Variants in LRP1 observed in about 807,000 individuals in gnomAD.
The protein encoded by LRP1 is prolow-density lipoprotein receptor-related protein 1.
LRP1 carries 51 observed loss-of-function variants against 541.5 expected under a neutral mutation model. The observed-to-expected ratio is 0.09, with a 90% CI of 0.08 to 0.12. The LOEUF is 0.12. Ranked by LOEUF, LRP1 falls within the 10% of genes least tolerant of loss-of-function variation. The pLI is 1.00. For synonymous variants in LRP1, 2,219 were observed against 2,470.8 expected, an observed-to-expected ratio of 0.90 and a Z score of 3.02; for missense variants, 3,878 against 6,376.2, an observed-to-expected ratio of 0.61 and a Z score of 13.34.
chr12:57,192,413 C>T (rs1030251572), intron 44 of LRP1, among the ~76,000 whole-genome samples: 2 of 152,164 alleles, frequency 1.3e-5, no homozygotes, highest in Non-Finnish European at 2.9e-5. Context: ...TCACTCTCCT[C>T]ACTTGGAGCC....
intron 23 of LRP1, 57 bp from the exon 24 acceptor site, chr12:57,175,852 G>A (rs1008599207): frequency 6.3e-6 from 10 of 1,596,092 alleles, no homozygotes; most frequent in African/African-American, 1.3e-5. Flanking sequence ...GCGCCAGGAC[G>A]GGTGGCACAC....
chr12:57,202,646 G>A (rs1413991573), intron 68 of LRP1, 109 bp downstream of exon 68: 7 of 836,370 alleles, frequency 8.4e-6, no homozygotes, highest in African/African-American at 1.7e-5. Context: ...CTCCCAGGGT[G>A]GGGGCAGGAG....
chr12:57,171,892 C>A (rs768838770), intron 20 of LRP1, among the ~76,000 whole-genome samples: 13 of 152,088 alleles, frequency 8.5e-5, no homozygotes, highest in Non-Finnish European at 1.8e-4. Flanking sequence ...CAACATAAGT[C>A]AGATCATGCC....
In LRP1 at chr12:57,185,499, GGCCCT is replaced by G; in HGVS notation, c.6464-26_6464-22del. On this transcript the variant is annotated intron_variant, in intron 40 of 88. Transcript: ENST00000243077. This position sits in a 1 kb window ranked among gnomAD's most constrained non-coding sequence, Gnocchi z 4.9. ...GCACCAGTGAGCCTTTCCCAAGGCAGGCCCTGCCCTCTGTACCCTCCCCTCCCCCA... is the reference window on the plus strand; with the variant it reads ...GCACCAGTGAGCCTTTCCCAAGGCAGGCCCTCTGTACCCTCCCCTCCCCCA... The G allele has an allele frequency of 1.3e-6, 2 of 1,540,980 alleles. No individual in the cohort carries two copies. The highest frequency in any genetic ancestry group is 1.7e-6 in the Non-Finnish European group (2 of 1,145,356).
intron 20 of LRP1, among the ~76,000 whole-genome samples, chr12:57,170,237 C>T (rs1333342566): frequency 3.3e-5 from 5 of 152,238 alleles, no homozygotes; most frequent in Non-Finnish European, 1.5e-5. Flanking sequence ...AGGATACACC[C>T]TTATGACCTC....
chr12:57,167,189 G>T, intron 18 of LRP1, 143 bp downstream of exon 18: 1 of 708,680 alleles, frequency 1.4e-6, no homozygotes, highest in South Asian at 1.7e-5. Flanking sequence ...TCTGTGAGAG[G>T]AGAGCCCCAT....
Position 57,211,952 on chromosome 12 carries a change from G to T in LRP1, c.13284G>T (p.Leu4428=). The T allele has an allele frequency of 6.2e-7, 1 of 1,614,128 alleles. No homozygotes were observed. Among genetic ancestry groups the T allele is most frequent in the Non-Finnish European group, 8.5e-7 (1 of 1,180,024 alleles). The part of the protein sequence containing the change: ...PGHIASILIP[L]LLLLLLVLVA... ...ATATAGCCTCCATCCTAATCCCTCTGCTGTTGCTGCTGCTGCTGGTTCTGG... is the reference window on the plus strand; with the variant it reads ...ATATAGCCTCCATCCTAATCCCTCTTCTGTTGCTGCTGCTGCTGGTTCTGG... Residue 4428 remains leucine (L), a synonymous_variant, in exon 87 of 89, where the codon CTG becomes CTT. Transcript: ENST00000243077. This position sits in a 1 kb window ranked among gnomAD's most constrained non-coding sequence, Gnocchi z 4.3.
At chr12:57,144,775 G>A (rs1238319542) in intron 4 of LRP1, 197 bp from the exon 5 acceptor site, 2 of 612,246 alleles carry the variant, frequency 3.3e-6, no homozygotes, top group African/African-American at 1.8e-5. Flanking sequence ...ATATGTACAC[G>A]AGTGTTTCTC....
At chr12:57,155,128 G>A (rs1384416732) in intron 8 of LRP1, 1 of 370,826 alleles carries the variant, frequency 2.7e-6, no homozygotes, top group East Asian at 5.5e-5. Context: ...GGGATAATTA[G>A]TGTGAGCAAC....
At position 57,195,288 on chromosome 12, in the gene LRP1, C is replaced by T. The variant is rs2036506940; in HGVS notation, c.8326C>T (p.Pro2776Ser). ...AAHCEGKTCG[P>S]SSFSCPGTHV... ...CCCTACAGAAGGCAAGACGTGCGGCCCCTCCTCCTTCTCCTGCCCTGGCAC... is the reference window on the plus strand; with the variant it reads ...CCCTACAGAAGGCAAGACGTGCGGCTCCTCCTCCTTCTCCTGCCCTGGCAC... The change falls in exon 52 of 89, where the codon CCC becomes TCC. Residue 2776 changes from proline to serine, a missense_variant. By Grantham distance (74) the Pro-to-Ser change is moderately conservative. Around this residue, in one of 13 missense-constraint regions of LRP1, gnomAD observed 1,100 missense variants for 1,827.4 expected, o/e 0.60. Coordinates refer to ENST00000243077, the MANE Select transcript of LRP1 (RefSeq NM_002332.3). The T allele has an allele frequency of 6.2e-7, 1 of 1,613,980 alleles. No homozygotes were observed. Among genetic ancestry groups the T allele is most frequent in the Non-Finnish European group, 8.5e-7 (1 of 1,180,018 alleles).
chr12:57,175,560 C>A lies in LRP1; in HGVS notation c.3648C>A (p.Pro1216=). Residue 1216 remains proline, a synonymous_variant, in exon 23 of 89, where the codon CCC becomes CCA. Coordinates refer to ENST00000243077, the MANE Select transcript of LRP1 (RefSeq NM_002332.3). ...CSCPLGMELG[P]DNHTCQIQSY... ...GCCCTCTGGGCATGGAGCTGGGGCCCGACAACCACACCTGCCAGATCCAGA... is the reference window on the plus strand; with the variant it reads ...GCCCTCTGGGCATGGAGCTGGGGCCAGACAACCACACCTGCCAGATCCAGA... 1 of 1,614,170 alleles carries A rather than the reference C, an allele frequency of 6.2e-7. No homozygotes were observed.
In LRP1 at chr12:57,173,653, G is replaced by A; in HGVS notation, c.3347-127G>A. On this transcript the variant is annotated intron_variant, in intron 21 of 88. Coordinates refer to ENST00000243077, the MANE Select transcript of LRP1 (RefSeq NM_002332.3). This position sits in a 1 kb window ranked among gnomAD's most constrained non-coding sequence, Gnocchi z 4.7. ...TGTGAATTTGACCCAAAAAGCCTCG[G>A]GGTTCCTCGTGGACCCCACAGCGTT... 1.0e-6 allele frequency: 1 copy of A among 976,722 alleles called. No individual in the cohort carries two copies. Among genetic ancestry groups the A allele is most frequent in the Admixed American group, 2.1e-5 (1 of 47,724 alleles). 60.5% of individuals were successfully genotyped at this position (976,722 alleles called of 1,614,324 possible). A position where few individuals can be genotyped will look rare whatever the true frequency, so the allele number is the denominator to read the frequency against.
intron 79 of LRP1, among the ~76,000 whole-genome samples, 181 bp downstream of exon 79, chr12:57,209,380 C>T (rs565883580): frequency 2.0e-5 from 3 of 152,362 alleles, no homozygotes; most frequent in Admixed American, 6.5e-5. Flanking sequence ...AGGCCTGAGA[C>T]CCACCCTGAC....
intron 12 of LRP1, among the ~76,000 whole-genome samples, chr12:57,160,353 C>T (rs2035702864): frequency 6.6e-6 from 1 of 152,112 alleles, no homozygotes; most frequent in South Asian, 2.1e-4. Context: ...GAAGTTCTGT[C>T]CCCACTGCCT....
At chr12:57,148,838 A>C in intron 6 of LRP1, 1 of 475,732 alleles carries the variant, frequency 2.1e-6, no homozygotes, top group Non-Finnish European at 3.7e-6. Flanking sequence ...ACCATGCTGC[A>C]TGGGGAAGAA....
intron 31 of LRP1, 83 bp downstream of exon 31, chr12:57,180,224 C>A: frequency 6.4e-7 from 1 of 1,572,412 alleles, no homozygotes; most frequent in Non-Finnish European, 8.7e-7. Context: ...AGTTGCCCCT[C>A]AGCCTCCCCA....
chr12:57,166,403 T>A lies in LRP1; in HGVS notation c.2797+194T>A, dbSNP rs530717055. The A allele has an allele frequency of 4.0e-5, 28 of 694,608 alleles. No homozygotes were observed. In the East Asian group the frequency reaches 6.0e-4, roughly 15 times the overall value. 43.0% of individuals were successfully genotyped at this position (694,608 alleles called of 1,614,324 possible). ...GACCTCCCACTCTTTACAAAAAAAATTTAAAAAAACTGCCGGGCGTGGTGG... is the reference window on the plus strand; with the variant it reads ...GACCTCCCACTCTTTACAAAAAAAAATTAAAAAAACTGCCGGGCGTGGTGG... On this transcript the variant is annotated intron_variant, in intron 17 of 88. Coordinates refer to ENST00000243077, the MANE Select transcript of LRP1 (RefSeq NM_002332.3).
chr12:57,178,637 G>C lies in LRP1; in HGVS notation c.4606+34G>C. Reference sequence around the variant, plus strand: ...CTCGGGGCCTCGAGCAGCCGGAAGGGAGCCAGCAGCCTCTTTAGAAGCTGT... The same window carrying C: ...CTCGGGGCCTCGAGCAGCCGGAAGGCAGCCAGCAGCCTCTTTAGAAGCTGT... On this transcript the variant is annotated intron_variant, in intron 27 of 88. Coordinates refer to ENST00000243077, the MANE Select transcript of LRP1 (RefSeq NM_002332.3). The surrounding 1 kb of genome is among the most constrained non-coding windows in gnomAD (Gnocchi z 5.8). The C allele has an allele frequency of 6.2e-7, 1 of 1,613,036 alleles. No individual in the cohort carries two copies. The highest frequency in any genetic ancestry group is 8.5e-7 in the Non-Finnish European group (1 of 1,179,288).
chr12:57,141,541 G>T, intron 3 of LRP1, 30 bp downstream of exon 3: 1 of 1,613,702 alleles, frequency 6.2e-7, no homozygotes, highest in South Asian at 1.1e-5. Context: ...CTACTCTCCC[G>T]TCTGGATGCA....
Sources: gnomAD v4.1 joint callset for allele counts (sites outside exome capture counted in the v4.1 genomes callset) on GRCh38, gnomAD v4.1.1 for gene constraint, gnomAD v4.1.1 regional missense constraint, Gnocchi (gnomAD v3.1) non-coding constraint, MANE v1.5 for transcripts, NCBI Gene and HGNC (gene_info 2026-07-23, HGNC 2026-07-21) for gene names.